Variants in NRIP1 observed in about 807,000 individuals in gnomAD.
The protein encoded by NRIP1 is nuclear receptor interacting protein 1.
A neutral mutation model predicts 75.0 loss-of-function variants in NRIP1; 28 were observed. The ratio of observed to expected loss-of-function variants is 0.37; its 90% CI spans 0.28 to 0.51. The LOEUF is 0.51. Among genes scored for constraint, NRIP1 ranks in the 20% least tolerant of loss-of-function variants. The pLI is 0.92. For missense variants in NRIP1, 1,435 were observed against 1,343.7 expected, an observed-to-expected ratio of 1.07 and a Z score of -1.06; for synonymous variants, 526 against 487.6, an observed-to-expected ratio of 1.08 and a Z score of -1.04.
intron 2 of NRIP1, among the ~76,000 whole-genome samples, chr21:15,040,361 A>G (rs1201798334): frequency 6.6e-6 from 1 of 152,108 alleles, no homozygotes; most frequent in Admixed American, 6.5e-5. Flanking sequence ...ATTTAAACTT[A>G]CATAATGTAG....
At position 14,964,933 on chromosome 21, in the gene NRIP1, T is replaced by A. The variant is rs1035721946; in HGVS notation, c.3260A>T (p.Lys1087Met). Residue 1087 changes from lysine to methionine, a missense_variant, in exon 4 of 4, where the codon AAG becomes ATG. Lys to Met is a moderately conservative substitution (Grantham distance 95). Coordinates refer to ENST00000318948, the MANE Select transcript of NRIP1 (RefSeq NM_003489.4). ...NSVTSRETQD[K>M]DIWREASSAE... ...AGATGAAGCCTCCCTCCAAATGTCCTTGTCTTGTGTTTCTCGACTGGTAAC... is the reference window on the plus strand; with the variant it reads ...AGATGAAGCCTCCCTCCAAATGTCCATGTCTTGTGTTTCTCGACTGGTAAC... The A allele has an allele frequency of 6.2e-7, 1 of 1,613,702 alleles. No individual in the cohort carries two copies. The highest frequency in any genetic ancestry group is 1.7e-5 in the Admixed American group (1 of 60,002).
Position 15,017,911 on chromosome 21 carries a change from C to G in NRIP1, c.-457-3445G>C, listed in dbSNP as rs2088274895. ...CTACTAAGACACTCTCCTTCTGAGA[C>G]AAATATATGACCACACAAAAGATAA... On this transcript the variant is annotated intron_variant, in intron 2 of 3. Coordinates refer to ENST00000318948, the MANE Select transcript of NRIP1 (RefSeq NM_003489.4). Among the ~76,000 whole-genome samples, 3 of 151,702 alleles carry G rather than the reference C, an allele frequency of 2.0e-5. No homozygotes were observed. The South Asian group carries it at 6.3e-4, about 32-fold the overall frequency.
intron 2 of NRIP1, among the ~76,000 whole-genome samples, chr21:15,036,640 A>T (rs561392583): frequency 3.9e-5 from 6 of 152,154 alleles, no homozygotes; most frequent in African/African-American, 1.4e-4. Context: ...TCATTCTTAG[A>T]TACTGTTCTT....
Position 14,964,483 on chromosome 21 carries a change from T to C in NRIP1, c.*233A>G, listed in dbSNP as rs1056930. The C allele has an allele frequency of 0.69, 255,523 of 368,644 alleles. 91,533 individuals are homozygous for C. Among genetic ancestry groups the C allele is most frequent in the East Asian group, 0.94 (22,786 of 24,146 alleles). The allele number at this position is 368,644 out of a possible 1,614,324, so 22.8% of individuals were successfully genotyped here. ...TAGGCTACTCACAGTTGTTATCTGATGCATACAGAAGTGTTAAACAACCAA... is the reference window on the plus strand; with the variant it reads ...TAGGCTACTCACAGTTGTTATCTGACGCATACAGAAGTGTTAAACAACCAA... On this transcript the variant is annotated 3_prime_UTR_variant, in exon 4 of 4. Transcript: ENST00000318948.
chr21:14,980,224 C>T (rs2087193599), intron 3 of NRIP1, among the ~76,000 whole-genome samples: 1 of 152,176 alleles, frequency 6.6e-6, no homozygotes, highest in Middle Eastern at 3.4e-3. Context: ...GATGTGGTGG[C>T]TCAACCTGTA....
chr21:14,994,170 G>A lies in NRIP1; in HGVS notation c.-335+20174C>T, dbSNP rs532131926. Among the ~76,000 whole-genome samples, 209 of 152,196 alleles carry A rather than the reference G, an allele frequency of 1.4e-3. 1 individual carries two copies. Among genetic ancestry groups the A allele is most frequent in the African/African-American group, 4.8e-3 (198 of 41,532 alleles). On this transcript the variant is annotated intron_variant, in intron 3 of 3. Coordinates refer to ENST00000318948, the MANE Select transcript of NRIP1 (RefSeq NM_003489.4). ...GACTGAGTCTTGCTCTATCGCCCAG[G>A]CTGGAGTGCAGTGGTACGATCTCAG...
At chr21:15,015,103 C>G (rs1246216232) in intron 2 of NRIP1, among the ~76,000 whole-genome samples, 1 of 152,168 alleles carries the variant, frequency 6.6e-6, no homozygotes, top group Non-Finnish European at 1.5e-5. Context: ...ATACACACAA[C>G]ACATACGGAA....
intron 3 of NRIP1, among the ~76,000 whole-genome samples, chr21:15,006,071 C>T (rs766672390): frequency 5.9e-5 from 9 of 151,962 alleles, no homozygotes; most frequent in Non-Finnish European, 1.0e-4. Flanking sequence ...ACAAACTTCA[C>T]GCATACTGCA....
intron 2 of NRIP1, among the ~76,000 whole-genome samples, chr21:15,019,062 T>C (rs2088304364): frequency 6.6e-6 from 1 of 151,418 alleles, no homozygotes; most frequent in Non-Finnish European, 1.5e-5. Context: ...TTCCTGTATC[T>C]ATCGAGATAA....
intron 3 of NRIP1, among the ~76,000 whole-genome samples, chr21:14,975,658 G>GGA (rs373431636): frequency 7.1e-6 from 1 of 140,292 alleles, no homozygotes; most frequent in African/African-American, 2.9e-5. Flanking sequence ...AGGAAGGAAG[G>GGA]GAGAGAGAGA....
intron 1 of NRIP1, among the ~76,000 whole-genome samples, chr21:15,063,559 C>T (rs1568742646): frequency 6.6e-6 from 1 of 152,156 alleles, no homozygotes; most frequent in Non-Finnish European, 1.5e-5. Context: ...CACAAATTCC[C>T]CCAAGAAACA....
intron 3 of NRIP1, among the ~76,000 whole-genome samples, chr21:14,999,544 T>TAA (rs11373143): frequency 0.015 from 2,335 of 150,946 alleles, 26 homozygotes; most frequent in African/African-American, 0.028. Flanking sequence ...GATACCAGGT[T>TAA]AAAAAAAAAA....
At chr21:15,056,165 T>TA (rs776229739) in intron 1 of NRIP1, among the ~76,000 whole-genome samples, 1 of 152,058 alleles carries the variant, frequency 6.6e-6, no homozygotes, top group Non-Finnish European at 1.5e-5. Context: ...AAGGTGCCTC[T>TA]AAGATAGGTG....
chr21:15,031,117 ATG>A (rs2088670119), intron 2 of NRIP1, among the ~76,000 whole-genome samples: 1 of 116,320 alleles, frequency 8.6e-6, no homozygotes, highest in Admixed American at 8.8e-5. Flanking sequence ...TTCCCTTTCT[ATG>A]TGTATACACT....
At chr21:15,056,583 C>A (rs548612224) in intron 1 of NRIP1, among the ~76,000 whole-genome samples, 185 of 152,142 alleles carry the variant, frequency 1.2e-3, no homozygotes, top group Non-Finnish European at 2.4e-3. Flanking sequence ...CATTCTTCCC[C>A]CCATATTGTT....
intron 2 of NRIP1, among the ~76,000 whole-genome samples, chr21:15,026,204 C>A (rs1175259261): frequency 6.6e-6 from 1 of 152,082 alleles, no homozygotes; most frequent in East Asian, 1.9e-4. Context: ...CATAAAAAAA[C>A]AGTTTTGAGT....
chr21:14,966,110 C>T lies in NRIP1; in HGVS notation c.2083G>A (p.Glu695Lys), dbSNP rs144711446. ...KAFSSQPTGP[E>K]PGLSGSEIEN... ...ATTTCAGAACCAGAAAGCCCTGGTT[C>T]AGGACCTGTTGGTTGACTACTAAAT... is the stretch of plus-strand genomic sequence containing the variant. The change falls in exon 4 of 4, where the codon GAA becomes AAA. Residue 695 changes from glutamate to lysine, a missense_variant. Transcript: ENST00000318948. 6.2e-7 allele frequency: 1 copy of T among 1,612,432 alleles called. No homozygotes were observed. The highest frequency in any genetic ancestry group is 1.3e-5 in the African/African-American group (1 of 75,036).
intron 1 of NRIP1, among the ~76,000 whole-genome samples, chr21:15,064,377 G>A (rs1209071345): frequency 6.6e-6 from 1 of 152,234 alleles, no homozygotes; most frequent in Non-Finnish European, 1.5e-5. Flanking sequence ...GGCGAGGCGA[G>A]CGGTGCCCGG....
At chr21:15,015,280 GGGAGGGA>G (rs1255925721) in intron 2 of NRIP1, among the ~76,000 whole-genome samples, 2 of 152,176 alleles carry the variant, frequency 1.3e-5, no homozygotes, top group East Asian at 3.8e-4. Context: ...GGATGCCCAA[GGGAGGGA>G]TTACAAAGAA....
Sources: gnomAD v4.1 joint callset for allele counts (sites outside exome capture counted in the v4.1 genomes callset) on GRCh38, gnomAD v4.1.1 for gene constraint, MANE v1.5 for transcripts, NCBI Gene and HGNC (gene_info 2026-07-23, HGNC 2026-07-21) for gene names.